FGF12: variants seen among roughly 807,000 people sequenced by gnomAD.
FGF12 encodes fibroblast growth factor 12B.
Under a neutral mutation model 23.6 loss-of-function variants are expected in FGF12, and 14 were observed. The observed-to-expected ratio is 0.59, with a 90% CI of 0.39 to 0.93. The LOEUF (loss-of-function observed/expected upper bound fraction) is 0.93. FGF12 is among the 40% of genes least tolerant of loss of function. FGF12 has a pLI of 0.00. For missense variants in FGF12, 175 were observed against 217.8 expected, an observed-to-expected ratio of 0.80 and a Z score of 1.24; for synonymous variants, 62 against 77.3, an observed-to-expected ratio of 0.80 and a Z score of 1.04.
At chr3:192,303,843 T>C (rs956570399) in intron 4 of FGF12, among the ~76,000 whole-genome samples, 2 of 152,184 alleles carry the variant, frequency 1.3e-5, no homozygotes, top group African/African-American at 2.4e-5. Flanking sequence ...TCACAAAATA[T>C]AGCAGATCTC....
chr3:192,244,093 G>A (rs1236027320), intron 4 of FGF12, among the ~76,000 whole-genome samples: 1 of 152,008 alleles, frequency 6.6e-6, no homozygotes, highest in Middle Eastern at 3.2e-3. Flanking sequence ...CAGAAAAATT[G>A]GCACTGTCGT....
chr3:192,386,496 T>C lies in FGF12; in HGVS notation c.14-25958A>G, dbSNP rs147904291. 1.4e-3 allele frequency among the ~76,000 whole-genome samples: 206 copies of C among 152,276 alleles called. 1 individual carries two copies. The highest frequency in any genetic ancestry group is 4.7e-3 in the African/African-American group (197 of 41,554). ...ATAAACCTCACCATCCAAAACAGCA[T>C]TCAAATTCCATCAAAAATTACTTTT... On this transcript the variant is annotated intron_variant, in intron 2 of 5. Transcript: ENST00000445105.
rs998735136 is a variant in FGF12, at chr3:192,409,832, G to A, written c.14-49294C>T. 5.9e-5 allele frequency among the ~76,000 whole-genome samples: 9 copies of A among 151,976 alleles called. No individual in the cohort carries two copies. The highest frequency in any genetic ancestry group is 1.2e-4 in the Non-Finnish European group (8 of 67,958). On this transcript the variant is annotated intron_variant, in intron 2 of 5. Transcript: ENST00000445105. This position sits in a 1 kb window ranked among gnomAD's most constrained non-coding sequence, Gnocchi z 4.8. The stretch of plus-strand genomic sequence containing the variant: ...CAGGGGCCGGGGCCAGGAGGCAGGT[G>A]CAGGCGGCTGCCAACTCGCCCAACT...
intron 4 of FGF12, among the ~76,000 whole-genome samples, chr3:192,174,030 T>A (rs1715722377): frequency 6.6e-6 from 1 of 152,192 alleles, no homozygotes; most frequent in Non-Finnish European, 1.5e-5. Context: ...GCTGGTTCAG[T>A]ACTTCTTCCA....
intron 2 of FGF12, among the ~76,000 whole-genome samples, chr3:192,576,576 C>G (rs543101470): frequency 6.6e-6 from 1 of 152,182 alleles, no homozygotes; most frequent in African/African-American, 2.4e-5. Context: ...ATGGCCTCTC[C>G]TTATACTAAG....
At chr3:192,369,380 T>A (rs1335307078) in intron 2 of FGF12, among the ~76,000 whole-genome samples, 2 of 152,190 alleles carry the variant, frequency 1.3e-5, no homozygotes, top group Non-Finnish European at 2.9e-5. Flanking sequence ...GCCTCCTCCA[T>A]AAACTGCACA....
intron 2 of FGF12, among the ~76,000 whole-genome samples, chr3:192,486,305 G>GTT (rs375853198): frequency 0.012 from 1,860 of 149,846 alleles, 31 homozygotes; most frequent in African/African-American, 0.043. Context: ...AAAGCAAATA[G>GTT]TTTTTTTTTT....
chr3:192,184,828 G>A lies in FGF12; in HGVS notation c.229-14172C>T, dbSNP rs79385370. Among the ~76,000 whole-genome samples the A allele has an allele frequency of 9.7e-3, 1,470 of 152,312 alleles. 27 individuals are homozygous for A. The highest frequency in any genetic ancestry group is 0.033 in the African/African-American group (1,385 of 41,564). On this transcript the variant is annotated intron_variant, in intron 4 of 5. Transcript: ENST00000445105. ...TTATCTACCAATTTTCCCATTTACA[G>A]TGTTGGATTACAAATCCATAAAAAG...
chr3:192,268,099 C>G (rs1391598290), intron 4 of FGF12, among the ~76,000 whole-genome samples: 2 of 152,158 alleles, frequency 1.3e-5, no homozygotes, highest in Non-Finnish European at 2.9e-5. Flanking sequence ...TATGAAATCT[C>G]AGAAGTTCTT....
chr3:192,310,973 T>A (rs1715901785), intron 4 of FGF12, among the ~76,000 whole-genome samples: 1 of 152,186 alleles, frequency 6.6e-6, no homozygotes, highest in South Asian at 2.1e-4. Context: ...TCTCCAATCG[T>A]GAAGAAATTC....
chr3:192,171,137 A>G (rs979146481), intron 4 of FGF12, among the ~76,000 whole-genome samples: 2 of 152,206 alleles, frequency 1.3e-5, no homozygotes. Context: ...CAGGAAAATC[A>G]CCACTTTTCC....
intron 2 of FGF12, among the ~76,000 whole-genome samples, chr3:192,407,708 G>GATGGATGAATGAATGA (rs1553809101): frequency 2.0e-5 from 1 of 49,966 alleles, no homozygotes; most frequent in East Asian, 1.4e-3. Flanking sequence ...AGAGAGAAGA[G>GATGGATGAATGAATGA]ATGAATGAAT....
chr3:192,170,663 G>GA lies in FGF12; in HGVS notation c.229-8dup, dbSNP rs34265167. On this transcript the variant is annotated splice_region_variant and splice_polypyrimidine_tract_variant and intron_variant, in intron 4 of 5. Transcript: ENST00000445105. The stretch of plus-strand genomic sequence containing the variant: ...ATTCTGGAGTGAAAACATCCTGTAG[G>GA]AAAAAAAAAAAAAGACACAAAAAAG... 0.012 allele frequency: 16,361 copies of GA among 1,412,196 alleles called. 1 individual carries two copies. Among genetic ancestry groups the GA allele is most frequent in the East Asian group, 0.017 (699 of 41,768 alleles). 87.5% of individuals were successfully genotyped at this position (1,412,196 alleles called of 1,614,324 possible).
At chr3:192,411,552 G>A (rs1207243380) in intron 2 of FGF12, among the ~76,000 whole-genome samples, 1 of 152,210 alleles carries the variant, frequency 6.6e-6, no homozygotes, top group Non-Finnish European at 1.5e-5. Context: ...ATTTCCATAT[G>A]TGCATCTGGA....
intron 2 of FGF12, chr3:192,726,745 G>A (rs1477107735): frequency 5.0e-6 from 1 of 200,710 alleles, no homozygotes; most frequent in Non-Finnish European, 1.0e-5. Context: ...ATGAGGTGGG[G>A]GTGGTGAAAT....
intron 5 of FGF12, among the ~76,000 whole-genome samples, chr3:192,165,312 A>G (rs79842824): frequency 1.9e-5 from 1 of 51,836 alleles, no homozygotes. Flanking sequence ...TCCCTTCATT[A>G]AAAAAAAAAA....
At position 192,279,016 on chromosome 3, in the gene FGF12, C is replaced by G. The variant is rs185597634; in HGVS notation, c.228+56345G>C. ...GTGGATGAGAGTGTGGAATGAATAA[C>G]CTTTGAATAACGAAGGAAGTGTTTA... On this transcript the variant is annotated intron_variant, in intron 4 of 5. Transcript: ENST00000445105. Among the ~76,000 whole-genome samples, 225 of 151,958 alleles carry G rather than the reference C, an allele frequency of 1.5e-3. 1 individual carries two copies. The highest frequency in any genetic ancestry group is 0.013 in the Admixed American group (197 of 15,270).
At chr3:192,394,361 G>A (rs1484712604) in intron 2 of FGF12, among the ~76,000 whole-genome samples, 1 of 152,098 alleles carries the variant, frequency 6.6e-6, no homozygotes, top group Non-Finnish European at 1.5e-5. Flanking sequence ...ATATACAACA[G>A]AGAAGCTAAT....
chr3:192,528,736 TCTTGA>T (rs1335802172), intron 2 of FGF12, among the ~76,000 whole-genome samples: 23 of 152,280 alleles, frequency 1.5e-4, no homozygotes, highest in African/African-American at 5.5e-4. Flanking sequence ...AAACCCCAAA[TCTTGA>T]CTTCTGTGCA....
Sources: allele counts gnomAD v4.1 joint callset (sites outside exome capture counted in the v4.1 genomes callset), GRCh38; gene constraint gnomAD v4.1.1; non-coding constraint Gnocchi (gnomAD v3.1); transcripts MANE v1.5; gene names NCBI Gene and HGNC (gene_info 2026-07-23, HGNC 2026-07-21).